The following ZNF263 variants were observed in gnomAD, a reference collection of about 807,000 sequenced individuals.
The protein encoded by ZNF263 is zinc finger protein 263.
Under a neutral mutation model 63.1 loss-of-function variants are expected in ZNF263, and 49 were observed. That is an observed-to-expected ratio of 0.78 (90% CI 0.62 to 0.99). The LOEUF (loss-of-function observed/expected upper bound fraction) is 0.99. Among genes scored for constraint, ZNF263 ranks in the 50% least tolerant of loss-of-function variants. The pLI is 0.00. For synonymous variants in ZNF263, 352 were observed against 324.2 expected (o/e 1.09, Z -0.92); for missense variants, 872 against 854.8 (o/e 1.02, Z -0.25).
intron 2 of ZNF263, chr16:3,299,871 T>C (rs1232312838): frequency 8.8e-6 from 14 of 1,598,892 alleles, no homozygotes; most frequent in Admixed American, 3.5e-5. Context: ...TGGGTTTATA[T>C]ATCACAGGCA....
In ZNF263 at chr16:3,283,606, A is replaced by T; in HGVS notation, c.-213A>T. The stretch of plus-strand genomic sequence containing the variant: ...CTGCCTCGGGGAAGTCCTGGCGCAG[A>T]TGGGCCACGGGGCCGGCGTGGCGGC... On this transcript the variant is annotated 5_prime_UTR_variant, in exon 1 of 6. It removes an upstream start codon present in the reference 5' UTR. Transcript: ENST00000219069. 1.7e-6 allele frequency: 1 copy of T among 598,348 alleles called. No homozygotes were observed. Among genetic ancestry groups the T allele is most frequent in the Non-Finnish European group, 2.4e-6 (1 of 410,730 alleles). 37.1% of individuals were successfully genotyped at this position (598,348 alleles called of 1,614,324 possible).
At chr16:3,300,430 G>A (rs1219174414) in intron 2 of ZNF263, 2 of 1,613,896 alleles carry the variant, frequency 1.2e-6, no homozygotes, top group Non-Finnish European at 1.7e-6. Context: ...CCCTACTAAT[G>A]GCATGTCCTG....
At chr16:3,299,602 C>T in intron 2 of ZNF263, 1 of 1,558,754 alleles carries the variant, frequency 6.4e-7, no homozygotes, top group Non-Finnish European at 8.6e-7. Context: ...CAGCCGTTTG[C>T]AGCTCAAGAT....
At position 3,285,008 on chromosome 16, in the gene ZNF263, C is replaced by A. The variant is rs754089804; in HGVS notation, c.388-51C>A. ...GCTCTCAGTATCCTATACTAATTTC[C>A]CTTCCTCTTGGGCCCTGTTGTGATG... On this transcript the variant is annotated intron_variant, in intron 1 of 5. Coordinates refer to ENST00000219069, the MANE Select transcript of ZNF263 (RefSeq NM_005741.5). The A allele has an allele frequency of 3.1e-6, 5 of 1,599,734 alleles. No individual in the cohort carries two copies. The African/African-American group carries it at 5.4e-5, about 17-fold the overall frequency.
rs1959525587 is a variant in ZNF263, at chr16:3,289,640, T to C, written c.1134T>C (p.His378=). 1 of 1,614,076 alleles carries C rather than the reference T, an allele frequency of 6.2e-7. No homozygotes were observed. Among genetic ancestry groups the C allele is most frequent in the African/African-American group, 1.3e-5 (1 of 74,932 alleles). ...AGGAACTGCAGCCAAAGAAACTCCATTTATGTCCCTTGTGTGGCAAAAATT... is the reference window on the plus strand; with the variant it reads ...AGGAACTGCAGCCAAAGAAACTCCACTTATGTCCCTTGTGTGGCAAAAATT... The part of the protein sequence containing the change: ...RPKELQPKKL[H]LCPLCGKNFS... Residue 378 remains histidine (H), a synonymous_variant, in exon 6 of 6, where the codon CAT becomes CAC. Transcript: ENST00000219069.
rs1959607611 is a variant in ZNF263 at position 3,291,363 on chromosome 16, G to A, written c.*805G>A. 1 of 985,236 alleles carries A rather than the reference G, an allele frequency of 1.0e-6. No homozygotes were observed. The highest frequency in any genetic ancestry group is 6.1e-5 in the Admixed American group (1 of 16,270). The allele number at this position is 985,236 out of a possible 1,614,324, so 61.0% of individuals were successfully genotyped here. ...GCATTCCAGGAAAGAGAGATTCCCT[G>A]GAAAATTGAAAATGTGAATCCTAGG... On this transcript the variant is annotated 3_prime_UTR_variant, in exon 6 of 6. Coordinates refer to ENST00000219069, the MANE Select transcript of ZNF263 (RefSeq NM_005741.5).
In ZNF263 at chr16:3,291,359, C is replaced by A; in HGVS notation, c.*801C>A. On this transcript the variant is annotated 3_prime_UTR_variant, in exon 6 of 6. Coordinates refer to ENST00000219069, the MANE Select transcript of ZNF263 (RefSeq NM_005741.5). The stretch of plus-strand genomic sequence containing the variant: ...GAGAGCATTCCAGGAAAGAGAGATT[C>A]CCTGGAAAATTGAAAATGTGAATCC... 1 of 985,350 alleles carries A rather than the reference C, an allele frequency of 1.0e-6. No homozygotes were observed. Among genetic ancestry groups the A allele is most frequent in the Non-Finnish European group, 1.2e-6 (1 of 829,914 alleles). 61.0% of individuals were successfully genotyped at this position (985,350 alleles called of 1,614,324 possible). A position where few individuals can be genotyped will look rare whatever the true frequency, so the allele number is the denominator to read the frequency against.
At position 3,283,500 on chromosome 16, in the gene ZNF263, GC is replaced by G; in HGVS notation, c.-318del. The G allele has an allele frequency of 4.1e-6, 1 of 243,492 alleles. No individual in the cohort carries two copies. The highest frequency in any genetic ancestry group is 7.7e-6 in the Non-Finnish European group (1 of 129,324). The allele number at this position is 243,492 out of a possible 1,614,324, so 15.1% of individuals were successfully genotyped here. On this transcript the variant is annotated 5_prime_UTR_variant, in exon 1 of 6. Coordinates refer to ENST00000219069, the MANE Select transcript of ZNF263 (RefSeq NM_005741.5). ...GGGCTTGTGGACGCCTAACTTGCGC[GC>G]TGAGATTTCCGGCGTGGGAGCAGAG... is the stretch of plus-strand genomic sequence containing the variant.
chr16:3,288,610 A>C (rs115039466), intron 5 of ZNF263, 40 bp downstream of exon 5: 1 of 1,474,446 alleles, frequency 6.8e-7, no homozygotes, highest in East Asian at 2.3e-5. Context: ...GCAAGCAGCA[A>C]GGCTCTTGCA....
chr16:3,295,217 G>A (rs538284213), downstream of ZNF263, among the ~76,000 whole-genome samples: 2 of 152,244 alleles, frequency 1.3e-5, no homozygotes, highest in Middle Eastern at 3.4e-3. Context: ...CCCGGGCCTC[G>A]GGGCTGCCGC....
rs553438800 is a variant in ZNF263, at chr16:3,285,323, G to A, written c.568+84G>A. 74 of 1,387,490 alleles carry A rather than the reference G, an allele frequency of 5.3e-5. No homozygotes were observed. In the African/African-American group the frequency reaches 8.1e-4, roughly 15 times the overall value. The allele number at this position is 1,387,490 out of a possible 1,614,324, so 85.9% of individuals were successfully genotyped here. On this transcript the variant is annotated intron_variant, in intron 2 of 5. Coordinates refer to ENST00000219069, the MANE Select transcript of ZNF263 (RefSeq NM_005741.5). The stretch of plus-strand genomic sequence containing the variant: ...CACTAGCTGGATGTAGCAATGATGC[G>A]AAGGAGAAGGAATTTCTGAAGATCA...
chr16:3,291,460 ATGTC>A (rs1374958861), downstream of ZNF263: 160 of 985,338 alleles, frequency 1.6e-4, no homozygotes, highest in Non-Finnish European at 1.9e-4. Context: ...GGAAACATAA[ATGTC>A]TGTGAGTCTT....
In ZNF263 at chr16:3,290,443, G is replaced by A. The variant is rs57710602; in HGVS notation, c.1937G>A (p.Arg646Gln). ...GACAGCTTCTCTCACAGCTCCAATCGGATTCGCCACCTGAGAACGCATACG... is the reference window on the plus strand; with the variant it reads ...GACAGCTTCTCTCACAGCTCCAATCAGATTCGCCACCTGAGAACGCATACG... ...CGDSFSHSSN[R>Q]IRHLRTHTGE... The change falls in exon 6 of 6, where the codon CGG (arginine) becomes CAG (glutamine). Residue 646 changes from arginine to glutamine, a missense_variant. Transcript: ENST00000219069. 13 of 1,613,970 alleles carry A rather than the reference G, an allele frequency of 8.1e-6. No homozygotes were observed. In the African/African-American group the frequency reaches 9.3e-5, roughly 12 times the overall value.
chr16:3,284,223 C>T lies in ZNF263; in HGVS notation c.387+18C>T. On this transcript the variant is annotated intron_variant, in intron 1 of 5. Coordinates refer to ENST00000219069, the MANE Select transcript of ZNF263 (RefSeq NM_005741.5). ...GACAACAGGTGAGAGAGAGAGAGAGCTGTTTTATCTGTGGTTTGTTTAGCC... is the reference window on the plus strand; with the variant it reads ...GACAACAGGTGAGAGAGAGAGAGAGTTGTTTTATCTGTGGTTTGTTTAGCC... 6.6e-7 allele frequency: 1 copy of T among 1,505,646 alleles called. No individual in the cohort carries two copies. The highest frequency in any genetic ancestry group is 8.9e-7 in the Non-Finnish European group (1 of 1,125,792). 93.3% of individuals were successfully genotyped at this position (1,505,646 alleles called of 1,614,324 possible). A position where few individuals can be genotyped will look rare whatever the true frequency, so the allele number is the denominator to read the frequency against.
intron 1 of ZNF263, among the ~76,000 whole-genome samples, chr16:3,297,465 T>C (rs1231728602): frequency 2.4e-5 from 2 of 84,416 alleles, no homozygotes; most frequent in East Asian, 2.5e-4. Flanking sequence ...TCTTTTTTTT[T>C]TTTTTTTTTT....
At chr16:3,286,911 T>C (rs968947939) in intron 4 of ZNF263, 5 of 152,178 alleles carry the variant, frequency 3.3e-5, no homozygotes, top group Non-Finnish European at 5.9e-5. Flanking sequence ...ATTATGATTA[T>C]ACCTATGTTG....
intron 4 of ZNF263, 84 bp from the exon 5 acceptor site, chr16:3,288,370 A>G (rs1237017063): frequency 2.1e-6 from 2 of 970,150 alleles, no homozygotes; most frequent in Admixed American, 1.7e-5. Flanking sequence ...GTATTTATCC[A>G]CTGAGGGCAG....
chr16:3,289,184 G>A (rs560428279), intron 5 of ZNF263, among the ~76,000 whole-genome samples: 21 of 152,248 alleles, frequency 1.4e-4, no homozygotes, highest in Non-Finnish European at 2.5e-4. Context: ...AAAATTCTAA[G>A]ACTGGTCTCG....
At chr16:3,287,688 A>G (rs1959429536) in intron 4 of ZNF263, among the ~76,000 whole-genome samples, 1 of 152,018 alleles carries the variant, frequency 6.6e-6, no homozygotes, top group South Asian at 2.1e-4. Context: ...TTGGCACAGC[A>G]TAGAAATGGC....
Sources: allele counts gnomAD v4.1 joint callset (sites outside exome capture counted in the v4.1 genomes callset), GRCh38; gene constraint gnomAD v4.1.1; transcripts MANE v1.5; gene names NCBI Gene and HGNC (gene_info 2026-07-23, HGNC 2026-07-21).